GAP43: variants seen among roughly 807,000 people sequenced by gnomAD.
GAP43 encodes the protein growth associated protein 43, also known as neuromodulin.
In GAP43, 6 loss-of-function variants were observed where a neutral mutation model predicts 18.6. That is an observed-to-expected ratio of 0.32 (90% CI 0.18 to 0.64). GAP43 has a LOEUF of 0.64. Among genes scored for constraint, GAP43 ranks in the 30% least tolerant of loss-of-function variants. The pLI is 0.78. For synonymous variants in GAP43, 115 were observed against 111.4 expected (o/e 1.03, Z -0.20); for missense variants, 292 against 295.5 (o/e 0.99, Z 0.09).
intron 1 of GAP43, among the ~76,000 whole-genome samples, chr3:115,669,091 C>CACAG (rs1559796531): frequency 6.6e-6 from 1 of 150,500 alleles, no homozygotes; most frequent in Non-Finnish European, 1.5e-5. Context: ...CACACACACA[C>CACAG]AGAAAAATAA....
chr3:115,666,196 G>A (rs1708731186), intron 1 of GAP43, among the ~76,000 whole-genome samples: 1 of 152,144 alleles, frequency 6.6e-6, no homozygotes, highest in South Asian at 2.1e-4. Flanking sequence ...TGATAGTAGA[G>A]TGGGACTGTG....
chr3:115,627,959 T>C (rs1374842990), intron 1 of GAP43, among the ~76,000 whole-genome samples: 1 of 152,208 alleles, frequency 6.6e-6, no homozygotes, highest in Admixed American at 6.5e-5. Flanking sequence ...TGGGTTTCAG[T>C]TTCCTTCTGT....
intron 1 of GAP43, among the ~76,000 whole-genome samples, chr3:115,667,148 A>G (rs1234607552): frequency 6.6e-6 from 1 of 152,160 alleles, no homozygotes; most frequent in Admixed American, 6.5e-5. Context: ...AGTATCAACT[A>G]TGTGCCAGCA....
At chr3:115,711,657 A>T (rs1709439813) in intron 2 of GAP43, among the ~76,000 whole-genome samples, 1 of 152,114 alleles carries the variant, frequency 6.6e-6, no homozygotes, top group Non-Finnish European at 1.5e-5. Context: ...TGGAACCATC[A>T]GTGTTTATCT....
chr3:115,631,731 C>T (rs1218019304), intron 1 of GAP43, among the ~76,000 whole-genome samples: 3 of 152,184 alleles, frequency 2.0e-5, no homozygotes, highest in Non-Finnish European at 4.4e-5. Flanking sequence ...AGCAATTCTC[C>T]TGTCTCAGCC....
intron 2 of GAP43, among the ~76,000 whole-genome samples, chr3:115,680,991 T>A (rs552429931): frequency 6.6e-6 from 1 of 152,214 alleles, no homozygotes; most frequent in Non-Finnish European, 1.5e-5. Flanking sequence ...TGAGCGGCTT[T>A]GATTTGAAAT....
intron 1 of GAP43, among the ~76,000 whole-genome samples, chr3:115,639,358 GCTAAGGATGAGTA>G (rs969203987): frequency 6.2e-4 from 94 of 152,088 alleles, no homozygotes; most frequent in African/African-American, 2.2e-3. Context: ...TAATATCTGG[GCTAAGGATGAGTA>G]CTCACTGTAA....
intron 1 of GAP43, chr3:115,663,771 C>T: frequency 6.4e-7 from 1 of 1,551,600 alleles, no homozygotes; most frequent in Non-Finnish European, 8.7e-7. Flanking sequence ...CATTGGCAGA[C>T]ACTGGCGATG....
chr3:115,672,754 C>CTCTCCTCTCCTCTCA (rs1708830045), intron 1 of GAP43, among the ~76,000 whole-genome samples: 1 of 150,126 alleles, frequency 6.7e-6, no homozygotes, highest in African/African-American at 2.5e-5. Flanking sequence ...CTCTCCTCTC[C>CTCTCCTCTCCTCTCA]TCTCCTCTCC....
At chr3:115,632,159 T>C (rs1218398247) in intron 1 of GAP43, among the ~76,000 whole-genome samples, 1 of 152,000 alleles carries the variant, frequency 6.6e-6, no homozygotes, top group Non-Finnish European at 1.5e-5. Flanking sequence ...TCCCCCTCTA[T>C]ACCCACCCCC....
chr3:115,669,151 TC>T, intron 1 of GAP43, among the ~76,000 whole-genome samples: 1 of 152,250 alleles, frequency 6.6e-6, no homozygotes, highest in South Asian at 2.1e-4. Flanking sequence ...AAATCAGTTG[TC>T]TTTATCTTAG....
chr3:115,716,149 A>G lies in GAP43; in HGVS notation c.629-4645A>G, dbSNP rs187717686. Among the ~76,000 whole-genome samples, 702 of 152,340 alleles carry G rather than the reference A, an allele frequency of 4.6e-3. 2 individuals are homozygous for G. Among genetic ancestry groups the G allele is most frequent in the Admixed American group, 7.6e-3 (117 of 15,300 alleles). On this transcript the variant is annotated intron_variant, in intron 2 of 2. Transcript: ENST00000305124. ...TAATTCTTTCCAGGCAGTTGTTTTA[A>G]GCTGCTGAATAGAACAGGTAAGAAA... is the stretch of plus-strand genomic sequence containing the variant.
chr3:115,641,796 T>G (rs1708400568), intron 1 of GAP43, among the ~76,000 whole-genome samples: 2 of 152,112 alleles, frequency 1.3e-5, no homozygotes, highest in South Asian at 2.1e-4. Flanking sequence ...TTATCTTGTA[T>G]TTATTTAACC....
chr3:115,623,567 A>C lies in GAP43; in HGVS notation c.-123A>C. 2 of 1,275,320 alleles carry C rather than the reference A, an allele frequency of 1.6e-6. No homozygotes were observed. Among genetic ancestry groups the C allele is most frequent in the South Asian group, 1.2e-5 (1 of 80,126 alleles). The allele number at this position is 1,275,320 out of a possible 1,614,324, so 79.0% of individuals were successfully genotyped here. On this transcript the variant is annotated 5_prime_UTR_variant, in exon 1 of 3. Transcript: ENST00000305124. The stretch of plus-strand genomic sequence containing the variant: ...GGGAGAGAGAGGGAGGGAGGGAGAG[A>C]GAGCGCGCTAGCGCGAGAGAGCGAG...
chr3:115,716,688 C>G (rs1376417452), intron 2 of GAP43, among the ~76,000 whole-genome samples: 1 of 114,458 alleles, frequency 8.7e-6, no homozygotes, highest in African/African-American at 3.2e-5. Context: ...TCAATAATAT[C>G]AAGTAAAAAA....
At chr3:115,672,732 C>CCCTCTCCTCTCCTCTTCTCT (rs1708829199) in intron 1 of GAP43, among the ~76,000 whole-genome samples, 2 of 107,500 alleles carry the variant, frequency 1.9e-5, no homozygotes, top group Non-Finnish European at 3.8e-5. Flanking sequence ...CTTCCCACAT[C>CCCTCTCCTCTCCTCTTCTCT]CCTCTCCTCT....
chr3:115,651,216 G>A (rs1228402350), intron 1 of GAP43, among the ~76,000 whole-genome samples: 1 of 152,082 alleles, frequency 6.6e-6, no homozygotes, highest in Admixed American at 6.6e-5. Flanking sequence ...ATGCCAACAG[G>A]CCCTCAGTAA....
At chr3:115,715,938 C>G (rs80339541) in intron 2 of GAP43, among the ~76,000 whole-genome samples, 1 of 152,150 alleles carries the variant, frequency 6.6e-6, no homozygotes. Context: ...TGTGGCCTTA[C>G]GTAAACCATT....
At chr3:115,634,889 T>C (rs1246238179) in intron 1 of GAP43, among the ~76,000 whole-genome samples, 3 of 152,188 alleles carry the variant, frequency 2.0e-5, no homozygotes, top group Non-Finnish European at 1.5e-5. Context: ...GTCCAGACTC[T>C]TACTAACATT....
Sources: gnomAD v4.1 joint callset for allele counts (sites outside exome capture counted in the v4.1 genomes callset) on GRCh38, gnomAD v4.1.1 for gene constraint, MANE v1.5 for transcripts, NCBI Gene and HGNC (gene_info 2026-07-23, HGNC 2026-07-21) for gene names.